NUP153: variants seen among roughly 807,000 people sequenced by gnomAD.
NUP153 encodes the protein nuclear pore complex protein Nup153.
A neutral mutation model predicts 134.6 loss-of-function variants in NUP153; 27 were observed. That is an observed-to-expected ratio of 0.20 (90% CI 0.15 to 0.28). The LOEUF is 0.28. NUP153 is among the 10% of genes least tolerant of loss of function. NUP153 has a pLI of 1.00. For synonymous variants in NUP153, 640 were observed against 623.5 expected, an observed-to-expected ratio of 1.03 and a Z score of -0.40; for missense variants, 1,821 against 1,731.3, an observed-to-expected ratio of 1.05 and a Z score of -0.92.
In NUP153 at chr6:17,646,192, A is replaced by G. The variant is rs370750802; in HGVS notation, c.1633-38T>C. On this transcript the variant is annotated intron_variant, in intron 13 of 21. Coordinates refer to ENST00000262077, the MANE Select transcript of NUP153 (RefSeq NM_005124.4). ...AGAATATCCTTATACTTCGTTTTCA[A>G]TAAGTATCAAATATAGAGCTTTTTT... 47 of 1,102,530 alleles carry G rather than the reference A, an allele frequency of 4.3e-5. No homozygotes were observed. In the African/African-American group the frequency reaches 5.9e-4, roughly 14 times the overall value. The allele number at this position is 1,102,530 out of a possible 1,614,324, so 68.3% of individuals were successfully genotyped here. A position where few individuals can be genotyped will look rare whatever the true frequency, so the allele number is the denominator to read the frequency against.
At chr6:17,643,817 G>A (rs553938469) in intron 14 of NUP153, among the ~76,000 whole-genome samples, 2 of 152,230 alleles carry the variant, frequency 1.3e-5, no homozygotes, top group East Asian at 3.9e-4. Context: ...GAGATATAAT[G>A]AAACAAAGTT....
In NUP153 at chr6:17,645,016, C is replaced by T. The variant is rs562029381; in HGVS notation, c.1720+1051G>A. Among the ~76,000 whole-genome samples, 6 of 152,008 alleles carry T rather than the reference C, an allele frequency of 3.9e-5. No individual in the cohort carries two copies. In the East Asian group the frequency reaches 1.2e-3, roughly 29 times the overall value. The stretch of plus-strand genomic sequence containing the variant: ...AGGAGAATGGCATGAACCTGGGAGG[C>T]GGAGGTTGCAGTGAGCCAAGATTAC... On this transcript the variant is annotated intron_variant, in intron 14 of 21. Transcript: ENST00000262077.
At chr6:17,660,473 C>A (rs1352321192) in intron 11 of NUP153, among the ~76,000 whole-genome samples, 1 of 151,930 alleles carries the variant, frequency 6.6e-6, no homozygotes, top group East Asian at 1.9e-4. Flanking sequence ...GTTAATGTAA[C>A]CAATCTTAAA....
chr6:17,632,868 G>T, intron 16 of NUP153, 24 bp from the exon 17 acceptor site: 1 of 1,309,720 alleles, frequency 7.6e-7, no homozygotes, highest in South Asian at 1.4e-5. Context: ...AAAAAACGGG[G>T]AGTGGGGGGA....
intron 1 of NUP153, among the ~76,000 whole-genome samples, chr6:17,692,605 T>C (rs893924649): frequency 2.6e-5 from 4 of 152,172 alleles, no homozygotes; most frequent in Non-Finnish European, 5.9e-5. Context: ...ACAAACATCC[T>C]TGTGTTTCAA....
chr6:17,628,712 A>G lies in NUP153; in HGVS notation c.3487T>C (p.Ser1163Pro), dbSNP rs1419647414. The G allele has an allele frequency of 1.2e-6, 2 of 1,613,570 alleles. No homozygotes were observed. Among genetic ancestry groups the G allele is most frequent in the Non-Finnish European group, 1.7e-6 (2 of 1,179,824 alleles). Residue 1163 changes from serine to proline, a missense_variant, in exon 18 of 22, where the codon TCT (serine) becomes CCT (proline). Ser to Pro is a moderately conservative substitution (Grantham distance 74, BLOSUM62 -1). Coordinates refer to ENST00000262077, the MANE Select transcript of NUP153 (RefSeq NM_005124.4). The surrounding 1 kb of genome is among the most constrained non-coding windows in gnomAD (Gnocchi z 5.4). Reference sequence around the variant, plus strand: ...AAAGTGGCTTTTGCTGGCTGTTCAGATTCCTTCTCAGATGGTTTTGTCATA... The same window carrying G: ...AAAGTGGCTTTTGCTGGCTGTTCAGGTTCCTTCTCAGATGGTTTTGTCATA... ...FSMTKPSEKE[S>P]EQPAKATFAF...
intron 1 of NUP153, among the ~76,000 whole-genome samples, chr6:17,704,922 G>A (rs979603008): frequency 2.0e-5 from 3 of 152,154 alleles, no homozygotes; most frequent in Non-Finnish European, 4.4e-5. Context: ...ACCACGCCCG[G>A]CTAATTTTTT....
intron 17 of NUP153, among the ~76,000 whole-genome samples, chr6:17,630,089 T>C (rs1246178401): frequency 6.6e-6 from 1 of 152,170 alleles, no homozygotes; most frequent in Non-Finnish European, 1.5e-5. Flanking sequence ...TACAGACTTT[T>C]CTAACAAGGT....
rs558294752 is a variant in NUP153 at position 17,618,551 on chromosome 6, T to A, written c.4175-1856A>T. On this transcript the variant is annotated intron_variant, in intron 20 of 21. Coordinates refer to ENST00000262077, the MANE Select transcript of NUP153 (RefSeq NM_005124.4). ...TTAGAAATTAAAGAAATAGTGGAAG[T>A]TAAAATCTCTCTTTTTTTTTTTTTT... is the stretch of plus-strand genomic sequence containing the variant. Among the ~76,000 whole-genome samples, 8 of 131,822 alleles carry A rather than the reference T, an allele frequency of 6.1e-5. No individual in the cohort carries two copies. The East Asian group carries it at 1.8e-3, about 30-fold the overall frequency. 86.5% of individuals were successfully genotyped at this position (131,822 alleles called of 152,430 possible).
chr6:17,694,081 C>T (rs943891076), intron 1 of NUP153, among the ~76,000 whole-genome samples: 4 of 152,088 alleles, frequency 2.6e-5, no homozygotes, highest in African/African-American at 7.2e-5. Flanking sequence ...CACTGAATCA[C>T]CATATTATAT....
rs1766168385 is a variant in NUP153, at chr6:17,646,213, T to C, written c.1633-59A>G. On this transcript the variant is annotated intron_variant, in intron 13 of 21. Coordinates refer to ENST00000262077, the MANE Select transcript of NUP153 (RefSeq NM_005124.4). ...TTCAATAAGTATCAAATATAGAGCT[T>C]TTTTATTCCCCCGAGACGGAGTCTT... The C allele has an allele frequency of 5.6e-6, 5 of 897,708 alleles. No individual in the cohort carries two copies. In the Admixed American group the frequency reaches 6.2e-5, roughly 11 times the overall value. 55.6% of individuals were successfully genotyped at this position (897,708 alleles called of 1,614,324 possible).
chr6:17,659,217 C>G lies in NUP153; in HGVS notation c.1395+2436G>C, dbSNP rs74698967. 3.0e-3 allele frequency among the ~76,000 whole-genome samples: 460 copies of G among 152,364 alleles called. 3 individuals carry two copies. The highest frequency in any genetic ancestry group is 1.0e-2 in the African/African-American group (414 of 41,588). On this transcript the variant is annotated intron_variant, in intron 11 of 21. Transcript: ENST00000262077. ...TTTTGCAGGGAAAACACTTCCGCAACAGCGGGATGCAGAAAATGCTTTCCA... is the reference window on the plus strand; with the variant it reads ...TTTTGCAGGGAAAACACTTCCGCAAGAGCGGGATGCAGAAAATGCTTTCCA...
At chr6:17,688,355 A>G (rs1581766321) in intron 2 of NUP153, 41 bp downstream of exon 2, 4 of 1,527,456 alleles carry the variant, frequency 2.6e-6, no homozygotes, top group East Asian at 2.3e-5. Context: ...TTAGGGCATG[A>G]AAACCTATCA....
intron 1 of NUP153, among the ~76,000 whole-genome samples, chr6:17,696,427 T>C (rs1769647702): frequency 6.6e-6 from 1 of 152,054 alleles, no homozygotes; most frequent in South Asian, 2.1e-4. Flanking sequence ...ATGAGGGAAA[T>C]AAGCTTTCTG....
intron 1 of NUP153, among the ~76,000 whole-genome samples, chr6:17,701,777 G>A: frequency 7.1e-6 from 1 of 140,278 alleles, no homozygotes; most frequent in East Asian, 2.1e-4. Flanking sequence ...AAGTTGCAGT[G>A]AGCCAAGATT....
At chr6:17,634,055 A>G (rs1297939673) in intron 16 of NUP153, among the ~76,000 whole-genome samples, 3 of 151,962 alleles carry the variant, frequency 2.0e-5, no homozygotes, top group Admixed American at 6.6e-5. Context: ...CATTTTTCTC[A>G]AATCTATTTC....
intron 5 of NUP153, among the ~76,000 whole-genome samples, chr6:17,673,579 A>G (rs1768044206): frequency 6.6e-6 from 1 of 152,222 alleles, no homozygotes; most frequent in Non-Finnish European, 1.5e-5. Flanking sequence ...GATAGCAAAT[A>G]AGCACCAAAT....
At chr6:17,636,591 G>A (rs1272645077) in intron 16 of NUP153, among the ~76,000 whole-genome samples, 1 of 152,120 alleles carries the variant, frequency 6.6e-6, no homozygotes, top group Non-Finnish European at 1.5e-5. Flanking sequence ...TTCTGGATGA[G>A]TTAAAGATTC....
chr6:17,657,459 G>A (rs1311345250), intron 11 of NUP153, among the ~76,000 whole-genome samples: 1 of 151,974 alleles, frequency 6.6e-6, no homozygotes, highest in Non-Finnish European at 1.5e-5. Flanking sequence ...AGCTACTTGG[G>A]AGGCTGAGAC....
Sources: allele counts gnomAD v4.1 joint callset (sites outside exome capture counted in the v4.1 genomes callset), GRCh38; gene constraint gnomAD v4.1.1; non-coding constraint Gnocchi (gnomAD v3.1); transcripts MANE v1.5; gene names NCBI Gene and HGNC (gene_info 2026-07-23, HGNC 2026-07-21).